TMEM132D: variants seen among roughly 807,000 people sequenced by gnomAD.
TMEM132D encodes the protein mature OL transmembrane protein.
A neutral mutation model predicts 62.3 loss-of-function variants in TMEM132D; 21 were observed. The ratio of observed to expected loss-of-function variants is 0.34; its 90% CI spans 0.24 to 0.49. The LOEUF (loss-of-function observed/expected upper bound fraction) is 0.49, where lower values mean the gene tolerates loss of function less well. Ranked by LOEUF, TMEM132D falls within the 20% of genes least tolerant of loss-of-function variation. The probability of loss-of-function intolerance (pLI) is 0.99; values close to 1 mark genes in which losing one functional copy is unlikely to be tolerated. For synonymous variants in TMEM132D, 621 were observed against 575.6 expected (o/e 1.08, Z -1.13); for missense variants, 1,346 against 1,402.8 (o/e 0.96, Z 0.65).
At chr12:129,850,295 C>A (rs1022150238) in intron 1 of TMEM132D, among the ~76,000 whole-genome samples, 5 of 152,174 alleles carry the variant, frequency 3.3e-5, no homozygotes, top group Non-Finnish European at 5.9e-5. Flanking sequence ...GTGGAGAACA[C>A]TCCACAGGGC....
At chr12:129,835,779 G>T (rs554221977) in intron 1 of TMEM132D, among the ~76,000 whole-genome samples, 1 of 152,280 alleles carries the variant, frequency 6.6e-6, no homozygotes, top group South Asian at 2.1e-4. Context: ...GCAGGGATGA[G>T]TCCCTGGGAC....
intron 1 of TMEM132D, among the ~76,000 whole-genome samples, chr12:129,811,581 C>T (rs1282641297): frequency 6.6e-6 from 1 of 151,760 alleles, no homozygotes; most frequent in Admixed American, 6.6e-5. Flanking sequence ...TACAAAGATG[C>T]CACCTCTGTG....
intron 1 of TMEM132D, chr12:129,854,905 T>C (rs1337517438): frequency 1.3e-5 from 2 of 152,300 alleles, no homozygotes; most frequent in African/African-American, 2.4e-5. Flanking sequence ...ACCAGATGAC[T>C]TTTCAGAAGG....
At chr12:129,659,710 C>T (rs1880187713) in intron 2 of TMEM132D, among the ~76,000 whole-genome samples, 1 of 152,056 alleles carries the variant, frequency 6.6e-6, no homozygotes, top group East Asian at 1.9e-4. Flanking sequence ...GCAATATTAT[C>T]CTAAATGACA....
chr12:129,580,525 C>T (rs1643361140), intron 2 of TMEM132D, among the ~76,000 whole-genome samples: 1 of 151,950 alleles, frequency 6.6e-6, no homozygotes, highest in Non-Finnish European at 1.5e-5. Flanking sequence ...CCTACAGAAA[C>T]AAATACTGAG....
At chr12:129,684,602 T>C (rs1454518151) in intron 2 of TMEM132D, among the ~76,000 whole-genome samples, 1 of 151,886 alleles carries the variant, frequency 6.6e-6, no homozygotes, top group Non-Finnish European at 1.5e-5. Context: ...ACTTTGCATC[T>C]GGGTAACAGA....
At chr12:129,591,540 GT>G (rs11463425) in intron 2 of TMEM132D, among the ~76,000 whole-genome samples, 5 of 147,690 alleles carry the variant, frequency 3.4e-5, no homozygotes, top group South Asian at 2.1e-4. Context: ...TGGCTTTTGG[GT>G]TTTTTTTTTC....
chr12:129,791,584 A>G (rs2137298860), intron 1 of TMEM132D, among the ~76,000 whole-genome samples: 1 of 152,266 alleles, frequency 6.6e-6, no homozygotes, highest in Non-Finnish European at 1.5e-5. Flanking sequence ...TGCAAGAGAC[A>G]TATTTTAATT....
chr12:129,081,222 G>A (rs2135614802), intron 7 of TMEM132D, among the ~76,000 whole-genome samples: 1 of 152,338 alleles, frequency 6.6e-6, no homozygotes, highest in East Asian at 1.9e-4. Context: ...GAGCCACCAT[G>A]GGAGCCAGCC....
chr12:129,850,687 A>C (rs1239760127), intron 1 of TMEM132D, among the ~76,000 whole-genome samples: 1 of 152,192 alleles, frequency 6.6e-6, no homozygotes, highest in African/African-American at 2.4e-5. Flanking sequence ...AAAGATCAGT[A>C]ATTGGCATCA....
At chr12:129,188,038 C>T (rs575887661) in intron 5 of TMEM132D, among the ~76,000 whole-genome samples, 1 of 152,350 alleles carries the variant, frequency 6.6e-6, no homozygotes, top group African/African-American at 2.4e-5. Context: ...CTGACAGCAA[C>T]AATGGCTGCA....
Position 129,706,760 on chromosome 12 carries a change from G to A in TMEM132D, c.80-6062C>T, listed in dbSNP as rs900643178. Among the ~76,000 whole-genome samples, 57 of 151,896 alleles carry A rather than the reference G, an allele frequency of 3.8e-4. 1 individual carries two copies. Among genetic ancestry groups the A allele is most frequent in the African/African-American group, 1.3e-3 (56 of 41,496 alleles). ...AGAAATAATTTAAATGATATTCCAT[G>A]ATCATATACACGAGAATATAATTTC... is the stretch of plus-strand genomic sequence containing the variant. On this transcript the variant is annotated intron_variant, in intron 1 of 8. Coordinates refer to ENST00000422113, the MANE Select transcript of TMEM132D (RefSeq NM_133448.3).
At chr12:129,581,437 C>A (rs187443619) in intron 2 of TMEM132D, among the ~76,000 whole-genome samples, 1 of 152,290 alleles carries the variant, frequency 6.6e-6, no homozygotes, top group Non-Finnish European at 1.5e-5. Context: ...AGCTGAGGAG[C>A]CAGGAAGCCA....
intron 1 of TMEM132D, among the ~76,000 whole-genome samples, chr12:129,747,492 TCA>T (rs954563027): frequency 2.2e-5 from 3 of 136,474 alleles, no homozygotes; most frequent in Non-Finnish European, 4.7e-5. Flanking sequence ...AGATACCCTC[TCA>T]CACACACTCA....
chr12:129,284,719 A>G (rs886898682), intron 4 of TMEM132D, among the ~76,000 whole-genome samples: 1 of 152,276 alleles, frequency 6.6e-6, no homozygotes, highest in Non-Finnish European at 1.5e-5. Context: ...ATACAATGGA[A>G]TATTATTCAG....
intron 1 of TMEM132D, among the ~76,000 whole-genome samples, chr12:129,841,024 G>A (rs974540857): frequency 6.6e-6 from 1 of 152,194 alleles, no homozygotes; most frequent in Non-Finnish European, 1.5e-5. Context: ...GCAGAGTATA[G>A]ATTAAGTGTA....
chr12:129,578,842 G>T (rs1877760088), intron 2 of TMEM132D, among the ~76,000 whole-genome samples: 1 of 152,128 alleles, frequency 6.6e-6, no homozygotes, highest in Non-Finnish European at 1.5e-5. Flanking sequence ...TCAACGGGTT[G>T]GAGCATACTC....
Position 129,652,192 on chromosome 12 carries a change from C to T in TMEM132D, c.968+47618G>A, listed in dbSNP as rs265602. On this transcript the variant is annotated intron_variant, in intron 2 of 8. Transcript: ENST00000422113. Reference sequence around the variant, plus strand: ...AGTACTTTGGAATCCCTTCAAGGTTCTTCCAACGTAGAAGAACGGTATAGA... The same window carrying T: ...AGTACTTTGGAATCCCTTCAAGGTTTTTCCAACGTAGAAGAACGGTATAGA... Among the ~76,000 whole-genome samples, 452 of 152,322 alleles carry T rather than the reference C, an allele frequency of 3.0e-3. 4 individuals carry two copies. The highest frequency in any genetic ancestry group is 0.01 in the African/African-American group (428 of 41,578).
At chr12:129,636,961 A>G (rs1179815106) in intron 2 of TMEM132D, among the ~76,000 whole-genome samples, 2 of 152,106 alleles carry the variant, frequency 1.3e-5, no homozygotes, top group Non-Finnish European at 2.9e-5. Context: ...TGTACATAGA[A>G]GAAACAAAAC....
Sources: allele counts gnomAD v4.1 joint callset (sites outside exome capture counted in the v4.1 genomes callset), GRCh38; gene constraint gnomAD v4.1.1; transcripts MANE v1.5; gene names NCBI Gene and HGNC (gene_info 2026-07-23, HGNC 2026-07-21).